RASSF8: variants seen among roughly 807,000 people sequenced by gnomAD.
The protein encoded by RASSF8 is ras association domain-containing protein 8.
RASSF8 carries 22 observed loss-of-function variants against 48.5 expected under a neutral mutation model. That is an observed-to-expected ratio of 0.45 (90% CI 0.32 to 0.65). The LOEUF is 0.65. RASSF8 is among the 30% of genes least tolerant of loss of function. The probability of loss-of-function intolerance (pLI) is 0.03; values close to 1 mark genes in which losing one functional copy is unlikely to be tolerated. For synonymous variants in RASSF8, 127 were observed against 171.5 expected (o/e 0.74, Z 2.03); for missense variants, 418 against 489.2 (o/e 0.85, Z 1.37).
intron 2 of RASSF8, among the ~76,000 whole-genome samples, chr12:26,045,909 T>C (rs1256380032): frequency 4.6e-5 from 7 of 152,196 alleles, no homozygotes; most frequent in African/African-American, 1.4e-4. Flanking sequence ...TTGCCATCTC[T>C]TACGTAGACA....
intron 1 of RASSF8, among the ~76,000 whole-genome samples, chr12:25,974,295 C>G (rs1149804): frequency 6.6e-6 from 1 of 151,914 alleles, no homozygotes; most frequent in South Asian, 2.1e-4. Flanking sequence ...CCAGCCAATA[C>G]GCGAGAAGTG....
At chr12:26,075,436 T>C (rs144443962), downstream of RASSF8, among the ~76,000 whole-genome samples, 1 of 152,348 alleles carries the variant, frequency 6.6e-6, no homozygotes, top group East Asian at 1.9e-4. Context: ...GAGAATGACA[T>C]GGATTTGGAA....
intron 2 of RASSF8, among the ~76,000 whole-genome samples, chr12:26,035,469 T>TATAATTATATGAAATTATATA (rs1252227237): frequency 1.8e-5 from 2 of 109,674 alleles, no homozygotes; most frequent in African/African-American, 6.1e-5. Flanking sequence ...TATATAATTA[T>TATAATTATATGAAATTATATA]ATTATATAAT....
intron 2 of RASSF8, among the ~76,000 whole-genome samples, chr12:26,000,581 ATTG>A (rs1942231390): frequency 6.6e-6 from 1 of 152,068 alleles, no homozygotes; most frequent in Admixed American, 6.6e-5. Context: ...TGTCTAGGTG[ATTG>A]TTGTTGGGGT....
At chr12:25,993,157 C>T (rs1326535891) in intron 1 of RASSF8, among the ~76,000 whole-genome samples, 2 of 152,138 alleles carry the variant, frequency 1.3e-5, no homozygotes, top group Admixed American at 1.3e-4. Flanking sequence ...TGCCCCCGCT[C>T]CCTGCACCGC....
intron 1 of RASSF8, among the ~76,000 whole-genome samples, chr12:25,964,384 T>C (rs969885800): frequency 1.3e-5 from 2 of 152,160 alleles, no homozygotes; most frequent in Non-Finnish European, 2.9e-5. Flanking sequence ...CAAAATATTT[T>C]CTTACTCATT....
chr12:25,959,410 T>G (rs1941174081), intron 1 of RASSF8: 1 of 152,292 alleles, frequency 6.6e-6, no homozygotes, highest in Non-Finnish European at 1.5e-5. Context: ...TTTGCTTTTC[T>G]GCTTCCTCCC....
At chr12:26,011,424 T>C (rs1393862262) in intron 2 of RASSF8, among the ~76,000 whole-genome samples, 1 of 152,180 alleles carries the variant, frequency 6.6e-6, no homozygotes, top group Non-Finnish European at 1.5e-5. Flanking sequence ...TTGAGAGTGG[T>C]AGATGACTCT....
chr12:26,055,677 TCTC>T (rs1943587011), intron 3 of RASSF8, among the ~76,000 whole-genome samples: 1 of 152,152 alleles, frequency 6.6e-6, no homozygotes, highest in African/African-American at 2.4e-5. Context: ...TACACTGCCT[TCTC>T]CTCTCCTGTT....
intron 1 of RASSF8, among the ~76,000 whole-genome samples, chr12:25,968,998 G>C (rs10842646): frequency 0.44 from 66,883 of 152,056 alleles, 16,201 homozygotes; most frequent in Non-Finnish European, 0.55. Context: ...TCCAGATAGA[G>C]GGCACAGTGC....
At chr12:25,988,665 T>C (rs944099460) in intron 1 of RASSF8, among the ~76,000 whole-genome samples, 3 of 152,230 alleles carry the variant, frequency 2.0e-5, no homozygotes, top group South Asian at 4.1e-4. Flanking sequence ...GCACTGCCAG[T>C]TCAGGAAATA....
In RASSF8 at chr12:26,061,220, T is replaced by C. The variant is rs139501846; in HGVS notation, c.104-3278T>C. Among the ~76,000 whole-genome samples, 4 of 152,264 alleles carry C rather than the reference T, an allele frequency of 2.6e-5. No individual in the cohort carries two copies. In the East Asian group the frequency reaches 7.7e-4, roughly 29 times the overall value. Reference sequence around the variant, plus strand: ...AAAATGGTTGAATTCAGGGCATAAATTTCTGAGTGACCCTTGTTTGAGTTT... The same window carrying C: ...AAAATGGTTGAATTCAGGGCATAAACTTCTGAGTGACCCTTGTTTGAGTTT... On this transcript the variant is annotated intron_variant, in intron 3 of 5. Transcript: ENST00000689635.
chr12:25,980,207 G>A (rs1941707445), intron 1 of RASSF8, among the ~76,000 whole-genome samples: 1 of 152,138 alleles, frequency 6.6e-6, no homozygotes, highest in South Asian at 2.1e-4. Context: ...CCACAAACGA[G>A]AACTTTCTGT....
At chr12:26,079,400 C>A in exon 6 of RASSF8, 1 of 174,820 alleles carries the variant, frequency 5.7e-6, no homozygotes, top group South Asian at 1.6e-4. Context: ...CTGGCTAACA[C>A]CATGATGGGC....
chr12:26,032,534 A>T (rs1362248966), intron 2 of RASSF8, among the ~76,000 whole-genome samples: 7 of 152,140 alleles, frequency 4.6e-5, no homozygotes, highest in Admixed American at 3.9e-4. Flanking sequence ...ACAATGACAA[A>T]TTTTTTTGAA....
chr12:26,069,162 G>T lies in RASSF8; in HGVS notation c.*344G>T. On this transcript the variant is annotated 3_prime_UTR_variant, in exon 6 of 6. Coordinates refer to ENST00000689635, the MANE Select transcript of RASSF8 (RefSeq NM_001394098.1). ...AAGAGTGAAGAGAAATTTGTGACTG[G>T]CTTAGTTTAATTTATTTCATGTAAT... The T allele has an allele frequency of 2.0e-6, 2 of 989,924 alleles. No homozygotes were observed. Among genetic ancestry groups the T allele is most frequent in the Non-Finnish European group, 2.4e-6 (2 of 832,590 alleles). 61.3% of individuals were successfully genotyped at this position (989,924 alleles called of 1,614,324 possible). A position where few individuals can be genotyped will look rare whatever the true frequency, so the allele number is the denominator to read the frequency against.
At chr12:25,976,587 G>C (rs1468044018) in intron 1 of RASSF8, among the ~76,000 whole-genome samples, 1 of 152,226 alleles carries the variant, frequency 6.6e-6, no homozygotes, top group Admixed American at 6.5e-5. Context: ...GAAACTTCTA[G>C]TGGGTATTTG....
intron 2 of RASSF8, chr12:26,053,035 GT>G (rs1943526091): frequency 6.6e-6 from 1 of 152,182 alleles, no homozygotes; most frequent in Non-Finnish European, 1.5e-5. Flanking sequence ...GAAATGGGCA[GT>G]TGCTTGTAGA....
chr12:26,031,822 G>T (rs1042864716), intron 2 of RASSF8, among the ~76,000 whole-genome samples: 3 of 152,090 alleles, frequency 2.0e-5, no homozygotes, highest in Non-Finnish European at 4.4e-5. Context: ...CATCATTTTT[G>T]AAAATATTTC....
Sources: gnomAD v4.1 joint callset for allele counts (sites outside exome capture counted in the v4.1 genomes callset) on GRCh38, gnomAD v4.1.1 for gene constraint, MANE v1.5 for transcripts, NCBI Gene and HGNC (gene_info 2026-07-23, HGNC 2026-07-21) for gene names.